SLC35F4: variants seen among roughly 807,000 people sequenced by gnomAD.
SLC35F4 encodes solute carrier family 35 member F4.
SLC35F4 carries 24 observed loss-of-function variants against 44.2 expected under a neutral mutation model. The ratio of observed to expected loss-of-function variants is 0.54; its 90% CI spans 0.39 to 0.76. The LOEUF (loss-of-function observed/expected upper bound fraction) is 0.76, where lower values mean the gene tolerates loss of function less well. SLC35F4 is among the 30% of genes least tolerant of loss of function. The probability of loss-of-function intolerance (pLI) is 0.00; values close to 1 mark genes in which losing one functional copy is unlikely to be tolerated. For missense variants in SLC35F4, 562 were observed against 586.1 expected, an observed-to-expected ratio of 0.96 and a Z score of 0.42; for synonymous variants, 238 against 223.6, an observed-to-expected ratio of 1.06 and a Z score of -0.57.
chr14:57,639,622 A>G (rs917314436), intron 1 of SLC35F4, among the ~76,000 whole-genome samples: 1 of 151,992 alleles, frequency 6.6e-6, no homozygotes, highest in East Asian at 1.9e-4. Flanking sequence ...AAATAATTCC[A>G]GGATATTATT....
chr14:57,839,325 C>A (rs534047965), intron 1 of SLC35F4, among the ~76,000 whole-genome samples: 1 of 152,092 alleles, frequency 6.6e-6, no homozygotes, highest in Non-Finnish European at 1.5e-5. Context: ...ATTCTTGACC[C>A]GGCCTGCATC....
At chr14:57,861,876 T>C (rs1887708231) in intron 1 of SLC35F4, among the ~76,000 whole-genome samples, 1 of 152,158 alleles carries the variant, frequency 6.6e-6, no homozygotes, top group South Asian at 2.1e-4. Context: ...ATTCAATTCT[T>C]CTGCCTCTTC....
At chr14:57,847,564 G>A (rs1886146128) in intron 1 of SLC35F4, among the ~76,000 whole-genome samples, 1 of 152,138 alleles carries the variant, frequency 6.6e-6, no homozygotes, top group Admixed American at 6.5e-5. Context: ...AGGATACCAT[G>A]ATATCCTATA....
intron 1 of SLC35F4, among the ~76,000 whole-genome samples, chr14:57,931,883 C>G (rs1038538397): frequency 5.9e-5 from 9 of 152,160 alleles, no homozygotes; most frequent in Non-Finnish European, 1.2e-4. Flanking sequence ...TATTCCCAGT[C>G]CCCCCATGTG....
chr14:57,751,916 CTCT>C, intron 1 of SLC35F4, among the ~76,000 whole-genome samples: 1 of 87,118 alleles, frequency 1.1e-5, no homozygotes, highest in East Asian at 2.9e-4. Flanking sequence ...AAACATTTCT[CTCT>C]CTCTCTCTCT....
intron 1 of SLC35F4, among the ~76,000 whole-genome samples, chr14:57,948,286 T>C (rs1373757028): frequency 6.6e-6 from 1 of 152,158 alleles, no homozygotes; most frequent in African/African-American, 2.4e-5. Context: ...CAGGAATTTT[T>C]CCATCTCTTC....
intron 1 of SLC35F4, among the ~76,000 whole-genome samples, chr14:57,802,627 G>A (rs2078217693): frequency 6.6e-6 from 1 of 152,090 alleles, no homozygotes; most frequent in Non-Finnish European, 1.5e-5. Flanking sequence ...AAATGATAAA[G>A]GGGACATTAC....
At chr14:57,792,976 A>T (rs1343444130) in intron 1 of SLC35F4, among the ~76,000 whole-genome samples, 1 of 152,186 alleles carries the variant, frequency 6.6e-6, no homozygotes, top group Admixed American at 6.6e-5. Context: ...AAAATGGAAT[A>T]CATTAAAAAA....
chr14:57,632,476 T>TA (rs2072829755), intron 1 of SLC35F4, among the ~76,000 whole-genome samples: 1 of 152,084 alleles, frequency 6.6e-6, no homozygotes, highest in Non-Finnish European at 1.5e-5. Context: ...ACTAACTTCT[T>TA]AAAAAATAGA....
chr14:57,587,107 A>T (rs556940636), intron 3 of SLC35F4, among the ~76,000 whole-genome samples: 1 of 152,352 alleles, frequency 6.6e-6, no homozygotes, highest in Non-Finnish European at 1.5e-5. Context: ...GTGATCATTA[A>T]TAAGTCAGGA....
At chr14:57,658,222 T>C (rs2074029347) in intron 1 of SLC35F4, among the ~76,000 whole-genome samples, 1 of 152,206 alleles carries the variant, frequency 6.6e-6, no homozygotes, top group Non-Finnish European at 1.5e-5. Context: ...AAAGACTCTA[T>C]AAACAGAACA....
chr14:57,930,774 G>A (rs1482804308), intron 1 of SLC35F4, among the ~76,000 whole-genome samples: 1 of 152,214 alleles, frequency 6.6e-6, no homozygotes, highest in African/African-American at 2.4e-5. Context: ...TCAGATTTCA[G>A]AGGCAGGACA....
chr14:57,846,708 T>C (rs1003466185), intron 1 of SLC35F4, among the ~76,000 whole-genome samples: 1 of 152,154 alleles, frequency 6.6e-6, no homozygotes, highest in Non-Finnish European at 1.5e-5. Flanking sequence ...GAAACAAAAC[T>C]TGGAAAATCT....
intron 1 of SLC35F4, among the ~76,000 whole-genome samples, chr14:57,804,454 A>G (rs1595104960): frequency 6.6e-6 from 1 of 152,218 alleles, no homozygotes; most frequent in Admixed American, 6.5e-5. Flanking sequence ...TAGAGAACTC[A>G]GAAATAAGAC....
In SLC35F4 at chr14:57,599,577, C is replaced by T. The variant is rs185877354; in HGVS notation, c.104-5453G>A. 8.2e-4 allele frequency among the ~76,000 whole-genome samples: 125 copies of T among 152,194 alleles called. No individual in the cohort carries two copies. The East Asian group carries it at 0.018, about 22-fold the overall frequency. ...GAATCTGGGGCCGGGCACGGTGGCT[C>T]ACGACTGTAATCCCAGCACTTTGGG... On this transcript the variant is annotated intron_variant, in intron 1 of 7. Transcript: ENST00000556826.
At chr14:57,745,889 G>A (rs1396513217) in intron 1 of SLC35F4, among the ~76,000 whole-genome samples, 2 of 152,128 alleles carry the variant, frequency 1.3e-5, no homozygotes, top group South Asian at 4.2e-4. Flanking sequence ...ATACACCATG[G>A]AATACTATGC....
At chr14:57,974,225 T>C (rs1881142660), downstream of SLC35F4, among the ~76,000 whole-genome samples, 1 of 152,058 alleles carries the variant, frequency 6.6e-6, no homozygotes, top group Non-Finnish European at 1.5e-5. Flanking sequence ...GCTGCGACTG[T>C]CAAGTGAGCA....
chr14:57,862,432 T>C (rs977556313), intron 1 of SLC35F4, among the ~76,000 whole-genome samples: 1 of 152,212 alleles, frequency 6.6e-6, no homozygotes, highest in Non-Finnish European at 1.5e-5. Flanking sequence ...CAAATGCTCA[T>C]TTCATTCAGA....
At chr14:57,923,804 A>T (rs1889490457) in intron 1 of SLC35F4, among the ~76,000 whole-genome samples, 1 of 152,242 alleles carries the variant, frequency 6.6e-6, no homozygotes, top group South Asian at 2.1e-4. Flanking sequence ...GATGTTTTGG[A>T]CATCACTATC....
Sources: allele counts gnomAD v4.1 joint callset (sites outside exome capture counted in the v4.1 genomes callset), GRCh38; gene constraint gnomAD v4.1.1; transcripts MANE v1.5; gene names NCBI Gene and HGNC (gene_info 2026-07-23, HGNC 2026-07-21).